The following DISC1 variants were observed in gnomAD, a reference collection of about 807,000 sequenced individuals.
DISC1 encodes disrupted in schizophrenia 1 protein.
DISC1 carries 57 observed loss-of-function variants against 84.5 expected under a neutral mutation model. The ratio of observed to expected loss-of-function variants is 0.67; its 90% confidence interval spans 0.55 to 0.84. The LOEUF (loss-of-function observed/expected upper bound fraction) is 0.84. Ranked by LOEUF, DISC1 falls within the 40% of genes least tolerant of loss-of-function variation. The pLI is 0.00. For synonymous variants in DISC1, 411 were observed against 415.2 expected (o/e 0.99, Z 0.12); for missense variants, 1,000 against 1,057.8 (o/e 0.95, Z 0.76).
intron 4 of DISC1, among the ~76,000 whole-genome samples, chr1:231,761,274 A>AT (rs2075637872): frequency 6.6e-6 from 1 of 152,320 alleles, no homozygotes; most frequent in East Asian, 1.9e-4. Flanking sequence ...CTCATTTTGC[A>AT]TACTGATTAG....
chr1:231,660,820 C>T (rs2061508576), intron 1 of DISC1, among the ~76,000 whole-genome samples: 1 of 152,146 alleles, frequency 6.6e-6, no homozygotes. Context: ...ATGATGCTAG[C>T]TGGTTATTTT....
chr1:231,637,652 A>T (rs1231461452), intron 1 of DISC1, among the ~76,000 whole-genome samples: 1 of 151,814 alleles, frequency 6.6e-6, no homozygotes, highest in African/African-American at 2.4e-5. Flanking sequence ...AGTTCCATCG[A>T]TGTTGTTGGA....
rs1224830860 is a variant in DISC1 at position 232,031,303 on chromosome 1, G to GGA, written c.2425+4757_2425+4758dup. On this transcript the variant is annotated intron_variant, in intron 12 of 12. Transcript: ENST00000439617. The surrounding 1 kb of genome is among the most constrained non-coding windows in gnomAD (Gnocchi z 4.6). ...AAGAAAGAAAAGAGGAAGGAAGGAA[G>GGA]GAGAGAGGGAAGGAGAGAAAAGGAA... Among the ~76,000 whole-genome samples the GGA allele has an allele frequency of 1.0e-5, 1 of 97,124 alleles. No individual in the cohort carries two copies. The highest frequency in any genetic ancestry group is 2.4e-5 in the Non-Finnish European group (1 of 42,550). The allele number at this position is 97,124 out of a possible 152,430, so 63.7% of individuals were successfully genotyped here.
At chr1:232,028,538 G>A (rs1029841256) in intron 12 of DISC1, among the ~76,000 whole-genome samples, 1 of 152,154 alleles carries the variant, frequency 6.6e-6, no homozygotes, top group Admixed American at 6.5e-5. Flanking sequence ...TTTAATAGCA[G>A]CGGGATCATG....
At chr1:231,751,561 A>G (rs1342357871) in intron 4 of DISC1, among the ~76,000 whole-genome samples, 4 of 152,172 alleles carry the variant, frequency 2.6e-5, no homozygotes, top group Non-Finnish European at 5.9e-5. Context: ...CATCACCACC[A>G]TTCATCTCCA....
At chr1:231,963,547 C>T (rs753242465) in intron 10 of DISC1, among the ~76,000 whole-genome samples, 1 of 152,104 alleles carries the variant, frequency 6.6e-6, no homozygotes, top group Non-Finnish European at 1.5e-5. Flanking sequence ...CTCACCAGGC[C>T]TTCCCATTCA....
Position 231,923,963 on chromosome 1 carries a change from C to T in DISC1, c.1982-34865C>T, listed in dbSNP as rs192337950. Among the ~76,000 whole-genome samples the T allele has an allele frequency of 9.8e-5, 15 of 152,286 alleles. 1 individual carries two copies. The highest frequency in any genetic ancestry group is 2.9e-4 in the African/African-American group (12 of 41,552). Reference sequence around the variant, plus strand: ...GTGCTCGGTTTCTGAAGTTGTACAACGGAGCATTCATTTGCATTCATTTGA... The same window carrying T: ...GTGCTCGGTTTCTGAAGTTGTACAATGGAGCATTCATTTGCATTCATTTGA... On this transcript the variant is annotated intron_variant, in intron 9 of 12. Transcript: ENST00000439617.
chr1:231,923,784 A>G (rs1463476556), intron 9 of DISC1, among the ~76,000 whole-genome samples: 1 of 152,200 alleles, frequency 6.6e-6, no homozygotes, highest in Non-Finnish European at 1.5e-5. Flanking sequence ...GTGGCTTTCA[A>G]GATCCTCCTG....
chr1:231,851,320 T>TAG (rs1363928006), intron 9 of DISC1, among the ~76,000 whole-genome samples: 11 of 152,326 alleles, frequency 7.2e-5, no homozygotes, highest in African/African-American at 2.4e-4. Context: ...TTCGCCGCCT[T>TAG]TCTCTAACTC....
At chr1:231,712,168 A>C (rs1419928260) in intron 3 of DISC1, among the ~76,000 whole-genome samples, 1 of 152,208 alleles carries the variant, frequency 6.6e-6, no homozygotes, top group Non-Finnish European at 1.5e-5. Flanking sequence ...ATTTTCCCCA[A>C]GAATGTTGGG....
chr1:231,688,233 T>C (rs567854247), intron 1 of DISC1, among the ~76,000 whole-genome samples: 2 of 152,254 alleles, frequency 1.3e-5, no homozygotes, highest in East Asian at 3.9e-4. Context: ...AATGTGTGTG[T>C]GTGTGTGTTG....
intron 3 of DISC1, among the ~76,000 whole-genome samples, chr1:231,715,862 C>G (rs2068635350): frequency 6.6e-6 from 1 of 152,154 alleles, no homozygotes; most frequent in South Asian, 2.1e-4. Flanking sequence ...TGTTTAGTAA[C>G]TGTCTCTGTA....
chr1:231,964,774 A>G (rs1010343466), intron 10 of DISC1, among the ~76,000 whole-genome samples: 1 of 152,254 alleles, frequency 6.6e-6, no homozygotes, highest in African/African-American at 2.4e-5. Flanking sequence ...CACCTGACAC[A>G]GTGGTGCATC....
At chr1:231,847,525 T>G (rs766220337) in intron 9 of DISC1, among the ~76,000 whole-genome samples, 1 of 152,196 alleles carries the variant, frequency 6.6e-6, no homozygotes. Context: ...TTACCTTGGC[T>G]GCTCAGCCTC....
chr1:232,036,819 A>G lies in DISC1; in HGVS notation c.2553A>G (p.Glu851=). The change falls in exon 13 of 13, where the codon GAA becomes GAG. Residue 851 remains glutamate, a synonymous_variant. Transcript: ENST00000439617. ...CCTGCATGACAGCTGGTGTCCACGA[A>G]GCACAAGCCTGAGGAGTGACGGGAT... ...AASCMTAGVH[E]AQA The G allele has an allele frequency of 1.9e-6, 3 of 1,578,200 alleles. No individual in the cohort carries two copies. The highest frequency in any genetic ancestry group is 2.6e-6 in the Non-Finnish European group (3 of 1,158,160).
chr1:231,796,293 T>C (rs17817721), intron 7 of DISC1, among the ~76,000 whole-genome samples: 17,107 of 150,498 alleles, frequency 0.11, 1,054 homozygotes, highest in Non-Finnish European at 0.13. Context: ...GAACTGGGTA[T>C]GAATCATTCA....
At chr1:231,796,004 G>A (rs74144134) in intron 7 of DISC1, among the ~76,000 whole-genome samples, 3 of 152,098 alleles carry the variant, frequency 2.0e-5, no homozygotes, top group African/African-American at 7.2e-5. Context: ...CTGTTTTTTT[G>A]TTCTTTAAAG....
chr1:231,930,948 A>G (rs891052674), intron 9 of DISC1, among the ~76,000 whole-genome samples: 2 of 152,190 alleles, frequency 1.3e-5, no homozygotes, highest in African/African-American at 2.4e-5. Context: ...AGCTCCTTAC[A>G]TGCACTTAAG....
Position 231,691,201 on chromosome 1 carries a change from C to CG in DISC1, c.68-2619dup, listed in dbSNP as rs1177634956. ...ATGCCAGCACTTTGAGAGGCCTAGGCGGGGGGATCACCTGAGATCAGGAGT... is the reference window on the plus strand; with the variant it reads ...ATGCCAGCACTTTGAGAGGCCTAGGCGGGGGGGATCACCTGAGATCAGGAGT... On this transcript the variant is annotated intron_variant, in intron 1 of 12. Transcript: ENST00000439617. 3.9e-5 allele frequency among the ~76,000 whole-genome samples: 6 copies of CG among 152,090 alleles called. No homozygotes were observed. In the East Asian group the frequency reaches 7.7e-4, roughly 20 times the overall value.
Sources: gnomAD v4.1 joint callset for allele counts (sites outside exome capture counted in the v4.1 genomes callset) on GRCh38, gnomAD v4.1.1 for gene constraint, Gnocchi (gnomAD v3.1) non-coding constraint, MANE v1.5 for transcripts, NCBI Gene and HGNC (gene_info 2026-07-23, HGNC 2026-07-21) for gene names.